The following PLD1 variants were observed in gnomAD, a reference collection of about 807,000 sequenced individuals.
PLD1 encodes choline phosphatase 1.
In PLD1, 112 loss-of-function variants were observed where a neutral mutation model predicts 137.1. The observed-to-expected ratio is 0.82, with a 90% CI of 0.70 to 0.96. The LOEUF (loss-of-function observed/expected upper bound fraction) is 0.96, where lower values mean the gene tolerates loss of function less well. PLD1 is among the 40% of genes least tolerant of loss of function. The pLI, the probability that PLD1 is intolerant of heterozygous loss-of-function variation, is 0.00. For missense variants in PLD1, 1,321 were observed against 1,342.0 expected (o/e 0.98, Z 0.24); for synonymous variants, 431 against 454.7 (o/e 0.95, Z 0.66).
In PLD1 at chr3:171,699,764, C is replaced by A. The variant is rs1231631743; in HGVS notation, c.1208G>T (p.Cys403Phe). The change falls in exon 12 of 27, where the codon TGC becomes TTC. Residue 403 changes from cysteine (C) to phenylalanine (F), a missense_variant. Coordinates refer to ENST00000351298, the MANE Select transcript of PLD1 (RefSeq NM_002662.5). ...VVEGNRWRLD[C>F]ILKRKAQQGV... ...ACATACTGCTTTTCGTTTAAGAATG[C>A]AGTCCAACCTCCAACGATTTCCCTC... 1.2e-6 allele frequency: 2 copies of A among 1,612,556 alleles called. No homozygotes were observed. The highest frequency in any genetic ancestry group is 2.7e-5 in the African/African-American group (2 of 74,902).
intron 1 of PLD1, among the ~76,000 whole-genome samples, chr3:171,754,601 T>C (rs937456003): frequency 6.6e-6 from 1 of 152,198 alleles, no homozygotes; most frequent in African/African-American, 2.4e-5. Context: ...CTTCTCACCT[T>C]GTGTCTAACC....
At chr3:171,737,754 A>T (rs535244310) in intron 2 of PLD1, 95 bp from the exon 3 acceptor site, 18 of 1,269,284 alleles carry the variant, frequency 1.4e-5, no homozygotes, top group Admixed American at 2.3e-5. Context: ...TAAAACAAGT[A>T]AGCCTCTTAT....
chr3:171,603,031 A>G lies in PLD1; in HGVS notation c.*47T>C, dbSNP rs765528864. On this transcript the variant is annotated 3_prime_UTR_variant, in exon 27 of 27. Transcript: ENST00000351298. ...ACATCCCCAGGAAGTCACTGTGTGC[A>G]GTGTGGTCTCCAGGGTGGAAGTCTT... The G allele has an allele frequency of 3.0e-6, 4 of 1,340,404 alleles. No homozygotes were observed. Among genetic ancestry groups the G allele is most frequent in the Non-Finnish European group, 3.2e-6 (3 of 937,234 alleles). The allele number at this position is 1,340,404 out of a possible 1,614,324, so 83.0% of individuals were successfully genotyped here.
intron 1 of PLD1, among the ~76,000 whole-genome samples, chr3:171,743,545 T>A (rs1394882270): frequency 6.6e-6 from 1 of 152,202 alleles, no homozygotes; most frequent in Non-Finnish European, 1.5e-5. Flanking sequence ...GGTTATGCAA[T>A]CCTTCCTTGG....
chr3:171,792,501 A>G (rs767625140), intron 1 of PLD1: 15 of 444,498 alleles, frequency 3.4e-5, no homozygotes, highest in Non-Finnish European at 5.0e-5. Flanking sequence ...CAAGGTGAGA[A>G]GGGGGCCCTC....
At position 171,612,289 on chromosome 3, in the gene PLD1, G is replaced by A. The variant is rs1283160989; in HGVS notation, c.2872C>T (p.Gln958Ter). 5 of 1,613,952 alleles carry A rather than the reference G, an allele frequency of 3.1e-6. No homozygotes were observed. The highest frequency in any genetic ancestry group is 4.2e-6 in the Non-Finnish European group (5 of 1,179,930). Residue 958 changes from glutamine to a stop codon, truncating the protein, a stop_gained, in exon 25 of 27, where the codon CAG (glutamine) becomes TAG (stop). Transcript: ENST00000351298. LOFTEE classifies it high-confidence loss of function. This position sits in a 1 kb window ranked among gnomAD's most constrained non-coding sequence, Gnocchi z 4.1. ...CTTTGGCGGACTGACCTAAAGCACT[G>A]TAGCCGAAGTCCTCGGGCAAACCGG... ...AGRFARGLRL[Q>*]CFRVVLGYLD...
chr3:171,768,067 A>G (rs1169107334), intron 1 of PLD1, among the ~76,000 whole-genome samples: 2 of 151,990 alleles, frequency 1.3e-5, no homozygotes, highest in African/African-American at 2.4e-5. Context: ...TGCTATGACT[A>G]TTACTACTAA....
At chr3:171,633,882 A>G (rs1350352339) in intron 23 of PLD1, among the ~76,000 whole-genome samples, 1 of 152,170 alleles carries the variant, frequency 6.6e-6, no homozygotes, top group East Asian at 1.9e-4. Flanking sequence ...ATCTCTGAAG[A>G]CTGGTATATC....
chr3:171,713,781 C>A, intron 9 of PLD1, 112 bp downstream of exon 9: 1 of 917,500 alleles, frequency 1.1e-6, no homozygotes. Flanking sequence ...AGGATGAGCT[C>A]TAAATTACAA....
chr3:171,750,683 C>A (rs751197367), intron 1 of PLD1, among the ~76,000 whole-genome samples: 3 of 152,166 alleles, frequency 2.0e-5, no homozygotes, highest in African/African-American at 7.2e-5. Flanking sequence ...GAGAACCACA[C>A]TAATGACGAT....
intron 25 of PLD1, among the ~76,000 whole-genome samples, chr3:171,606,895 A>G (rs1217332818): frequency 6.6e-6 from 1 of 152,194 alleles, no homozygotes; most frequent in African/African-American, 2.4e-5. Flanking sequence ...TTTTAGAATT[A>G]GAATTCCTGG....
chr3:171,622,084 T>C (rs1056678865), intron 23 of PLD1, among the ~76,000 whole-genome samples: 2 of 152,244 alleles, frequency 1.3e-5, no homozygotes, highest in Non-Finnish European at 2.9e-5. Flanking sequence ...CTGTATCATC[T>C]ACTCTCCTAC....
intron 1 of PLD1, among the ~76,000 whole-genome samples, chr3:171,802,740 A>G (rs911252926): frequency 7.2e-5 from 11 of 152,312 alleles, no homozygotes; most frequent in Admixed American, 2.0e-4. Flanking sequence ...CCAGGCTCCA[A>G]TGAATGAGCA....
chr3:171,633,854 C>T lies in PLD1; in HGVS notation c.2593+8986G>A, dbSNP rs9828238. Among the ~76,000 whole-genome samples the T allele has an allele frequency of 6.9e-3, 1,044 of 152,158 alleles. 11 individuals carry two copies. Among genetic ancestry groups the T allele is most frequent in the African/African-American group, 0.02 (823 of 41,520 alleles). On this transcript the variant is annotated intron_variant, in intron 23 of 26. Transcript: ENST00000351298. ...AAATTATAAAAACAACAAAGAAATG[C>T]TTTAAATTAAACATTAAATCTCTGA...
intron 21 of PLD1, among the ~76,000 whole-genome samples, chr3:171,657,310 A>G (rs944047708): frequency 3.9e-5 from 6 of 152,264 alleles, no homozygotes; most frequent in African/African-American, 9.6e-5. Context: ...CTTAAGTATA[A>G]AAGTCCCCAA....
At chr3:171,726,250 A>G (rs1228359284) in intron 6 of PLD1, among the ~76,000 whole-genome samples, 174 bp from the exon 7 acceptor site, 2 of 152,206 alleles carry the variant, frequency 1.3e-5, no homozygotes, top group Non-Finnish European at 2.9e-5. Flanking sequence ...GTATATAAAC[A>G]ATGAAGACAC....
At chr3:171,675,529 T>G (rs1713259530) in intron 18 of PLD1, among the ~76,000 whole-genome samples, 1 of 152,142 alleles carries the variant, frequency 6.6e-6, no homozygotes, top group Non-Finnish European at 1.5e-5. Context: ...CTCCCTGGGG[T>G]AGCATGTATG....
At chr3:171,805,349 G>C (rs1251968820) in intron 1 of PLD1, among the ~76,000 whole-genome samples, 4 of 152,186 alleles carry the variant, frequency 2.6e-5, no homozygotes, top group African/African-American at 9.7e-5. Context: ...TAGGAAGCAA[G>C]ACCTGCCATG....
intron 1 of PLD1, among the ~76,000 whole-genome samples, chr3:171,764,928 AGAAAG>A (rs1390272493): frequency 3.9e-3 from 64 of 16,212 alleles, no homozygotes; most frequent in African/African-American, 3.6e-3. Flanking sequence ...AAGAAAGGAA[AGAAAG>A]GAAAGAAAGA....
Sources: allele counts gnomAD v4.1 joint callset (sites outside exome capture counted in the v4.1 genomes callset), GRCh38; gene constraint gnomAD v4.1.1; non-coding constraint Gnocchi (gnomAD v3.1); transcripts MANE v1.5; gene names NCBI Gene and HGNC (gene_info 2026-07-23, HGNC 2026-07-21).